Variants in KANSL1L observed in about 807,000 individuals in gnomAD.
The protein encoded by KANSL1L is KAT8 regulatory NSL complex subunit 1 like.
KANSL1L carries 25 observed loss-of-function variants against 108.6 expected under a neutral mutation model. The ratio of observed to expected loss-of-function variants is 0.23; its 90% CI spans 0.17 to 0.32. The LOEUF (loss-of-function observed/expected upper bound fraction) is 0.32, where lower values mean the gene tolerates loss of function less well. Among genes scored for constraint, KANSL1L ranks in the 10% least tolerant of loss-of-function variants. The probability of loss-of-function intolerance (pLI) is 1.00; values close to 1 mark genes in which losing one functional copy is unlikely to be tolerated. For synonymous variants in KANSL1L, 405 were observed against 395.1 expected, an observed-to-expected ratio of 1.03 and a Z score of -0.30; for missense variants, 1,137 against 1,125.7, an observed-to-expected ratio of 1.01 and a Z score of -0.14.
chr2:210,159,773 C>T (rs568101997), intron 1 of KANSL1L, among the ~76,000 whole-genome samples: 3 of 152,134 alleles, frequency 2.0e-5, no homozygotes, highest in South Asian at 2.1e-4. Flanking sequence ...AACAACAGGC[C>T]GGGCGCGGTG....
chr2:210,097,834 CACT>C (rs1422722770), intron 5 of KANSL1L: 10 of 236,746 alleles, frequency 4.2e-5, no homozygotes, highest in African/African-American at 7.0e-5. Flanking sequence ...ATGTTATCAC[CACT>C]ATTCTTTTTT....
intron 6 of KANSL1L, among the ~76,000 whole-genome samples, chr2:210,046,635 G>C (rs1006288442): frequency 6.6e-6 from 1 of 152,050 alleles, no homozygotes; most frequent in African/African-American, 2.4e-5. Flanking sequence ...TCCAGACCCA[G>C]TAGGCTATGG....
chr2:210,155,169 T>C (rs2095326073), intron 1 of KANSL1L: 1 of 152,182 alleles, frequency 6.6e-6, no homozygotes, highest in Non-Finnish European at 1.5e-5. Context: ...CCCAGTACTT[T>C]GGGGTGCCGA....
At chr2:210,040,274 G>A in intron 8 of KANSL1L, 146 bp downstream of exon 8, 1 of 623,094 alleles carries the variant, frequency 1.6e-6, no homozygotes, top group Non-Finnish European at 2.9e-6. Flanking sequence ...TATTTTATGT[G>A]TACATGAGTT....
intron 1 of KANSL1L, among the ~76,000 whole-genome samples, chr2:210,157,154 G>GT (rs143354731): frequency 0.01 from 1,522 of 152,158 alleles, 27 homozygotes; most frequent in African/African-American, 0.035. Context: ...ACCCACAATA[G>GT]TATTTAGTGT....
chr2:210,093,847 C>A (rs2094713282), intron 5 of KANSL1L, among the ~76,000 whole-genome samples: 2 of 152,030 alleles, frequency 1.3e-5, no homozygotes, highest in African/African-American at 4.8e-5. Context: ...ATCCACAGAT[C>A]AAATGTTGTC....
At chr2:210,027,167 A>G (rs1422517471) in intron 12 of KANSL1L, 129 bp downstream of exon 12, 3 of 595,358 alleles carry the variant, frequency 5.0e-6, no homozygotes, top group Middle Eastern at 3.9e-4. Flanking sequence ...CTTCCTTTTC[A>G]TAAGTGAAAA....
rs2125643583 is a variant in KANSL1L, at chr2:210,153,973, G to A, written c.610C>T (p.His204Tyr). ...GAAGAACTAACAGGCACATTTGAGT[G>A]GCCAGGTACAATTTTCTTTTGAGTA... ...HCTQKKIVPG[H>Y]SNVPVSSSAA... is the part of the protein sequence containing the mutation. Residue 204 changes from histidine to tyrosine, a missense_variant, in exon 2 of 15, where the codon CAC becomes TAC. By Grantham distance (83) the His-to-Tyr change is moderately conservative. This residue lies in a region of KANSL1L where 556 missense variants were observed against 537.7 expected (regional missense o/e 1.03). Transcript: ENST00000281772. 2 of 1,613,546 alleles carry A rather than the reference G, an allele frequency of 1.2e-6. No individual in the cohort carries two copies. Among genetic ancestry groups the A allele is most frequent in the Middle Eastern group, 1.6e-4 (1 of 6,062 alleles).
At position 210,028,522 on chromosome 2, in the gene KANSL1L, ATTTG is replaced by A. The variant is rs557422388; in HGVS notation, c.2396+319_2396+322del. ...ACCTGTATCTTCAAGGGCAAGGATT[ATTTG>A]TTGCTATAGTTTTTATGTCACTAAA... On this transcript the variant is annotated intron_variant, in intron 11 of 14. Coordinates refer to ENST00000281772, the MANE Select transcript of KANSL1L (RefSeq NM_152519.4). The A allele has an allele frequency of 3.0e-3, 482 of 162,848 alleles. 1 individual carries two copies. The highest frequency in any genetic ancestry group is 4.8e-3 in the Non-Finnish European group (376 of 78,824). The allele number at this position is 162,848 out of a possible 1,614,324, so 10.1% of individuals were successfully genotyped here.
intron 3 of KANSL1L, among the ~76,000 whole-genome samples, chr2:210,118,158 C>A (rs1214478481): frequency 8.2e-6 from 1 of 122,218 alleles, no homozygotes; most frequent in Non-Finnish European, 1.7e-5. Flanking sequence ...AAAAGCGAAA[C>A]TCCATCTCAA....
At chr2:210,106,904 A>G (rs1468007860) in intron 3 of KANSL1L, among the ~76,000 whole-genome samples, 1 of 152,142 alleles carries the variant, frequency 6.6e-6, no homozygotes, top group Non-Finnish European at 1.5e-5. Flanking sequence ...CACCACTGCC[A>G]AGAATGGAGA....
intron 4 of KANSL1L, among the ~76,000 whole-genome samples, chr2:210,099,220 T>C (rs146555520): frequency 1.2e-4 from 19 of 152,288 alleles, no homozygotes; most frequent in African/African-American, 4.1e-4. Context: ...ACATCAATTT[T>C]CTAAAACCTG....
intron 3 of KANSL1L, among the ~76,000 whole-genome samples, chr2:210,120,829 G>A (rs1387547050): frequency 1.3e-5 from 2 of 152,030 alleles, no homozygotes; most frequent in Admixed American, 6.6e-5. Flanking sequence ...ATAAAAAAGT[G>A]GGCAAAGGAC....
intron 10 of KANSL1L, 72 bp downstream of exon 10, chr2:210,029,730 TA>T: frequency 1.3e-6 from 1 of 750,134 alleles, no homozygotes; most frequent in Non-Finnish European, 2.2e-6. Context: ...ATTAGCAAAA[TA>T]TAAATTATTT....
intron 6 of KANSL1L, among the ~76,000 whole-genome samples, chr2:210,065,636 A>G (rs1273085669): frequency 7.2e-6 from 1 of 138,492 alleles, no homozygotes; most frequent in Non-Finnish European, 1.5e-5. Context: ...TCCAGGCTAG[A>G]GTGCAGTGGC....
At chr2:210,045,778 C>T (rs1242291476) in intron 6 of KANSL1L, among the ~76,000 whole-genome samples, 7 of 152,030 alleles carry the variant, frequency 4.6e-5, no homozygotes, top group Admixed American at 3.3e-4. Context: ...TTCTGGTTCT[C>T]ATTATTTCTG....
chr2:210,081,917 T>C (rs1430701867), intron 5 of KANSL1L, among the ~76,000 whole-genome samples: 3 of 152,224 alleles, frequency 2.0e-5, no homozygotes, highest in Non-Finnish European at 2.9e-5. Context: ...TAAATCTGAC[T>C]CTTTGGTTTA....
intron 8 of KANSL1L, 65 bp from the exon 9 acceptor site, chr2:210,031,611 CTGTTTT>C (rs1285737598): frequency 8.4e-6 from 9 of 1,065,874 alleles, no homozygotes; most frequent in Non-Finnish European, 1.2e-5. Flanking sequence ...ACATGTCAAT[CTGTTTT>C]TATTTGTAAC....
chr2:210,157,382 C>T (rs1055069990), intron 1 of KANSL1L, among the ~76,000 whole-genome samples: 3 of 151,958 alleles, frequency 2.0e-5, no homozygotes, highest in African/African-American at 4.8e-5. Flanking sequence ...GATAAAGATA[C>T]GGAAAAGCTA....
Sources: gnomAD v4.1 joint callset for allele counts (sites outside exome capture counted in the v4.1 genomes callset) on GRCh38, gnomAD v4.1.1 for gene constraint, gnomAD v4.1.1 regional missense constraint, MANE v1.5 for transcripts, NCBI Gene and HGNC (gene_info 2026-07-23, HGNC 2026-07-21) for gene names.